The following IFFO2 variants were observed in gnomAD, a reference collection of about 807,000 sequenced individuals.
IFFO2 encodes intermediate filament family orphan 2.
Under a neutral mutation model 53.5 loss-of-function variants are expected in IFFO2, and 19 were observed. The observed-to-expected ratio is 0.36, with a 90% CI of 0.25 to 0.52. The LOEUF is 0.52. Ranked by LOEUF, IFFO2 falls within the 20% of genes least tolerant of loss-of-function variation. The pLI, the probability that IFFO2 is intolerant of heterozygous loss-of-function variation, is 0.94. For missense variants in IFFO2, 570 were observed against 727.4 expected, an observed-to-expected ratio of 0.78 and a Z score of 2.49; for synonymous variants, 303 against 313.6, an observed-to-expected ratio of 0.97 and a Z score of 0.36.
Position 18,951,554 on chromosome 1 carries a change from CCTGT to C in IFFO2, c.665+4110_665+4113del, listed in dbSNP as rs776427706. Among the ~76,000 whole-genome samples, 11 of 152,320 alleles carry C rather than the reference CCTGT, an allele frequency of 7.2e-5. No individual in the cohort carries two copies. The East Asian group carries it at 7.7e-4, about 11-fold the overall frequency. On this transcript the variant is annotated intron_variant, in intron 1 of 8. Coordinates refer to ENST00000455833, the MANE Select transcript of IFFO2 (RefSeq NM_001136265.2). ...GACACCAGGCCCCCAAAAGAGTCGCCCTGTCTGATAGGCAGCTAGGCCAGCACTA... is the reference window on the plus strand; with the variant it reads ...GACACCAGGCCCCCAAAAGAGTCGCCCTGATAGGCAGCTAGGCCAGCACTA...
chr1:18,932,186 CT>C (rs1305100727), intron 1 of IFFO2, among the ~76,000 whole-genome samples: 9 of 152,244 alleles, frequency 5.9e-5, no homozygotes, highest in African/African-American at 2.2e-4. Flanking sequence ...AAGATCCCCC[CT>C]GCCTCTGGAG....
intron 1 of IFFO2, among the ~76,000 whole-genome samples, chr1:18,924,703 A>G (rs1006822435): frequency 6.6e-6 from 1 of 152,216 alleles, no homozygotes; most frequent in Non-Finnish European, 1.5e-5. Context: ...TGGAGTGAAC[A>G]TAAAGAGATC....
intron 5 of IFFO2, 91 bp from the exon 6 acceptor site, chr1:18,912,174 T>G: frequency 6.7e-7 from 1 of 1,482,622 alleles, no homozygotes; most frequent in Non-Finnish European, 9.1e-7. Flanking sequence ...GCCCAGCAGG[T>G]ACACAGCTTC....
intron 1 of IFFO2, among the ~76,000 whole-genome samples, chr1:18,948,508 G>T (rs969394263): frequency 6.6e-6 from 1 of 152,218 alleles, no homozygotes; most frequent in South Asian, 2.1e-4. Context: ...CAGGTTTACT[G>T]TTGGGTGAAA....
chr1:18,908,226 G>A lies in IFFO2; in HGVS notation c.*335C>T. On this transcript the variant is annotated 3_prime_UTR_variant, in exon 9 of 9. Transcript: ENST00000455833. ...GAGTTCTGTATAAAAACACCTGCTA[G>A]GAATAATTCTTTGGAGCTCAAAGTG... 3.4e-6 allele frequency: 1 copy of A among 298,398 alleles called. No individual in the cohort carries two copies. Among genetic ancestry groups the A allele is most frequent in the South Asian group, 3.5e-5 (1 of 28,904 alleles). 18.5% of individuals were successfully genotyped at this position (298,398 alleles called of 1,614,324 possible).
In IFFO2 at chr1:18,905,403, A is replaced by G. The variant is rs1353117579; in HGVS notation, c.*3158T>C. 1.3e-5 allele frequency: 2 copies of G among 152,192 alleles called. No individual in the cohort carries two copies. Among genetic ancestry groups the G allele is most frequent in the Non-Finnish European group, 2.9e-5 (2 of 68,032 alleles). 9.4% of individuals were successfully genotyped at this position (152,192 alleles called of 1,614,324 possible). A position where few individuals can be genotyped will look rare whatever the true frequency, so the allele number is the denominator to read the frequency against. On this transcript the variant is annotated 3_prime_UTR_variant, in exon 9 of 9. Coordinates refer to ENST00000455833, the MANE Select transcript of IFFO2 (RefSeq NM_001136265.2). Reference sequence around the variant, plus strand: ...CTACCACAACTGCCTACCCTAGATTAAAAAACCCTTCCTTTCATAAAAATA... The same window carrying G: ...CTACCACAACTGCCTACCCTAGATTGAAAAACCCTTCCTTTCATAAAAATA...
intron 1 of IFFO2, among the ~76,000 whole-genome samples, chr1:18,931,432 G>A (rs1168078740): frequency 4.6e-5 from 7 of 152,100 alleles, no homozygotes; most frequent in South Asian, 4.2e-4. Flanking sequence ...CCTCTTCCAG[G>A]CTTGGGTACC....
At position 18,919,789 on chromosome 1, in the gene IFFO2, T is replaced by G. The variant is rs1557641133; in HGVS notation, c.727-16A>C. ...CCTGTGCTGCCTGCGGGGACGGAGA[T>G]GGGGAGGCTTCAGAGGGGCCGGGTC... is the stretch of plus-strand genomic sequence containing the variant. On this transcript the variant is annotated splice_polypyrimidine_tract_variant and intron_variant, in intron 2 of 8. Transcript: ENST00000455833. This position sits in a 1 kb window ranked among gnomAD's most constrained non-coding sequence, Gnocchi z 4.9. 20 of 1,537,278 alleles carry G rather than the reference T, an allele frequency of 1.3e-5. No homozygotes were observed.
chr1:18,910,550 A>G, intron 7 of IFFO2, 78 bp from the exon 8 acceptor site: 1 of 1,518,056 alleles, frequency 6.6e-7, no homozygotes, highest in Non-Finnish European at 8.9e-7. Flanking sequence ...CTCCTCCTGG[A>G]TTCCTCAGGG....
chr1:18,911,444 C>T lies in IFFO2; in HGVS notation c.1257G>A (p.Glu419=), dbSNP rs1936036353. Residue 419 remains glutamate, a synonymous_variant, in exon 7 of 9, where the codon GAG becomes GAA. Transcript: ENST00000455833. ...CTCTCGTCTTGAAGAAGGATTCGGT[C>T]TCATGGATCAAGTTGCCCAAGTTTT... is the stretch of plus-strand genomic sequence containing the variant. The part of the protein sequence containing the change: ...QEENLGNLIH[E]TESFFKTRDK... 1 of 1,516,948 alleles carries T rather than the reference C, an allele frequency of 6.6e-7. No individual in the cohort carries two copies. Among genetic ancestry groups the T allele is most frequent in the Non-Finnish European group, 8.8e-7 (1 of 1,131,616 alleles). 94.0% of individuals were successfully genotyped at this position (1,516,948 alleles called of 1,614,324 possible).
chr1:18,910,569 A>G, intron 7 of IFFO2, 97 bp from the exon 8 acceptor site: 1 of 1,406,882 alleles, frequency 7.1e-7, no homozygotes, highest in East Asian at 2.5e-5. Flanking sequence ...GGATGGTGCC[A>G]TCAAGGCCAC....
intron 2 of IFFO2, among the ~76,000 whole-genome samples, chr1:18,920,723 C>T (rs1031612238): frequency 1.3e-5 from 2 of 152,214 alleles, no homozygotes; most frequent in Non-Finnish European, 2.9e-5. Context: ...TTACAAACCA[C>T]CTAGTCCAAG....
Position 18,907,434 on chromosome 1 carries a change from G to C in IFFO2, c.*1127C>G, listed in dbSNP as rs774394446. 2.0e-5 allele frequency: 3 copies of C among 152,552 alleles called. No homozygotes were observed. The highest frequency in any genetic ancestry group is 4.4e-5 in the Non-Finnish European group (3 of 68,310). 9.4% of individuals were successfully genotyped at this position (152,552 alleles called of 1,614,324 possible). A position where few individuals can be genotyped will look rare whatever the true frequency, so the allele number is the denominator to read the frequency against. ...CCACCCTGCTTCTCTCCTGCCAGCA[G>C]CCAAAAGCAGGCAACTGCCGGACAG... is the stretch of plus-strand genomic sequence containing the variant. On this transcript the variant is annotated 3_prime_UTR_variant, in exon 9 of 9. Transcript: ENST00000455833.
At position 18,936,582 on chromosome 1, in the gene IFFO2, A is replaced by G. The variant is rs1445543132; in HGVS notation, c.666-15461T>C. On this transcript the variant is annotated intron_variant, in intron 1 of 8. Transcript: ENST00000455833. This position sits in a 1 kb window ranked among gnomAD's most constrained non-coding sequence, Gnocchi z 4.5. ...AGCTTTGAGAAAAACAGCAACTCCC[A>G]AGGCTATTTTGGAAACCTAATATGT... Among the ~76,000 whole-genome samples the G allele has an allele frequency of 6.6e-6, 1 of 152,262 alleles. No individual in the cohort carries two copies. The highest frequency in any genetic ancestry group is 1.5e-5 in the Non-Finnish European group (1 of 68,048).
intron 1 of IFFO2, among the ~76,000 whole-genome samples, chr1:18,927,008 C>A (rs1936308764): frequency 6.6e-6 from 1 of 152,308 alleles, no homozygotes; most frequent in South Asian, 2.1e-4. Flanking sequence ...TCAAATCCTG[C>A]CCCATCACTT....
Position 18,916,029 on chromosome 1 carries a change from G to A in IFFO2, c.1103+874C>T, listed in dbSNP as rs1037863790. On this transcript the variant is annotated intron_variant, in intron 5 of 8. Transcript: ENST00000455833. This position sits in a 1 kb window ranked among gnomAD's most constrained non-coding sequence, Gnocchi z 4.3. ...GATTCCAGCTACTTGGGAGGCTGAG[G>A]CAGGAGAAACACTGGAACCCGGGAG... Among the ~76,000 whole-genome samples the A allele has an allele frequency of 6.6e-6, 1 of 151,986 alleles. No homozygotes were observed. The highest frequency in any genetic ancestry group is 2.4e-5 in the African/African-American group (1 of 41,378).
At chr1:18,915,554 T>C (rs1202017501) in intron 5 of IFFO2, among the ~76,000 whole-genome samples, 1 of 152,208 alleles carries the variant, frequency 6.6e-6, no homozygotes, top group African/African-American at 2.4e-5. Context: ...GACAGCGTAC[T>C]AGCGTGGGAG....
intron 1 of IFFO2, among the ~76,000 whole-genome samples, chr1:18,935,068 A>T (rs377053071): frequency 6.6e-6 from 1 of 152,200 alleles, no homozygotes; most frequent in African/African-American, 2.4e-5. Flanking sequence ...ATTCTCTACC[A>T]CAGGCTCCCA....
intron 1 of IFFO2, among the ~76,000 whole-genome samples, chr1:18,949,144 G>C (rs1464375559): frequency 2.0e-5 from 3 of 152,228 alleles, no homozygotes; most frequent in Non-Finnish European, 4.4e-5. Context: ...GACGTGGTCT[G>C]TGTTGTCCGT....
Sources: allele counts gnomAD v4.1 joint callset (sites outside exome capture counted in the v4.1 genomes callset), GRCh38; gene constraint gnomAD v4.1.1; non-coding constraint Gnocchi (gnomAD v3.1); transcripts MANE v1.5; gene names NCBI Gene and HGNC (gene_info 2026-07-23, HGNC 2026-07-21).